Variants in MACF1 observed in about 807,000 individuals in gnomAD.
MACF1 encodes the protein microtubule actin crosslinking factor 1.
Under a neutral mutation model 854.8 loss-of-function variants are expected in MACF1, and 193 were observed. The observed-to-expected ratio is 0.23, with a 90% CI of 0.20 to 0.25. MACF1 has a LOEUF of 0.25. Among genes scored for constraint, MACF1 ranks in the 10% least tolerant of loss-of-function variants. MACF1 has a pLI of 1.00. For missense variants in MACF1, 7,722 were observed against 8,929.1 expected (o/e 0.86, Z 5.45); for synonymous variants, 3,185 against 3,226.7 (o/e 0.99, Z 0.44).
intron 2 of MACF1, among the ~76,000 whole-genome samples, chr1:39,167,947 G>C (rs1643900025): frequency 6.6e-6 from 1 of 152,112 alleles, no homozygotes. Flanking sequence ...TGGAACTGGA[G>C]ATCCACTTTA....
intron 6 of MACF1, among the ~76,000 whole-genome samples, chr1:39,265,670 G>T (rs1181073727): frequency 6.6e-6 from 1 of 152,180 alleles, no homozygotes; most frequent in East Asian, 1.9e-4. Context: ...CGGAATGGTT[G>T]TGTGAGTACT....
chr1:39,129,713 C>T (rs1358338448), intron 2 of MACF1, among the ~76,000 whole-genome samples: 2 of 152,210 alleles, frequency 1.3e-5, no homozygotes, highest in African/African-American at 4.8e-5. Flanking sequence ...CCTCTTGTTT[C>T]TATTCCTGCT....
At chr1:39,295,022 T>C (rs760741187) in intron 18 of MACF1, 24 bp from the exon 19 acceptor site, 7 of 1,555,478 alleles carry the variant, frequency 4.5e-6, no homozygotes, top group Non-Finnish European at 5.3e-6. Flanking sequence ...GTGCTTATGC[T>C]GTAAAATTGA....
chr1:39,453,827 A>G lies in MACF1; in HGVS notation c.20863A>G (p.Ile6955Val). 6.2e-7 allele frequency: 1 copy of G among 1,614,210 alleles called. No individual in the cohort carries two copies. Among genetic ancestry groups the G allele is most frequent in the Non-Finnish European group, 8.5e-7 (1 of 1,180,036 alleles). Residue 6955 changes from isoleucine (I) to valine (V), a missense_variant, in exon 88 of 101, where the codon ATC becomes GTC. Physicochemically the swap from Ile to Val is conservative, Grantham distance 29. Around this residue, in one of 15 missense-constraint regions of MACF1, gnomAD observed 729 missense variants for 900.5 expected, o/e 0.81. Coordinates refer to ENST00000564288, the MANE Select transcript of MACF1 (RefSeq NM_001394062.1). ...CACAACCATCAAACACTGGATCACC[A>G]TCATCCGAGCTCGCTTCGAGGAGGT... ...CITTIKHWIT[I>V]IRARFEEVLT...
intron 2 of MACF1, among the ~76,000 whole-genome samples, chr1:39,136,555 G>T: frequency 6.6e-6 from 1 of 152,138 alleles, no homozygotes; most frequent in Admixed American, 6.5e-5. Flanking sequence ...GTTGCTCATG[G>T]ACATAGAGAC....
intron 2 of MACF1, among the ~76,000 whole-genome samples, chr1:39,104,152 AC>A (rs1343898426): frequency 6.6e-6 from 1 of 151,954 alleles, no homozygotes; most frequent in African/African-American, 2.4e-5. Context: ...ACCCACAACC[AC>A]CTCTCCAGAC....
intron 58 of MACF1, among the ~76,000 whole-genome samples, chr1:39,417,581 C>G (rs1371210547): frequency 1.3e-5 from 2 of 151,516 alleles, no homozygotes; most frequent in Non-Finnish European, 2.9e-5. Flanking sequence ...GAGTCTCACT[C>G]TGTTGCCCAG....
intron 2 of MACF1, among the ~76,000 whole-genome samples, chr1:39,195,078 CTT>C (rs1370365889): frequency 6.6e-6 from 1 of 152,118 alleles, no homozygotes; most frequent in South Asian, 2.1e-4. Flanking sequence ...CTTGGAGACA[CTT>C]TTTTCTTTTA....
At position 39,333,546 on chromosome 1, in the gene MACF1, C is replaced by T; in HGVS notation, c.6958C>T (p.His2320Tyr). The T allele has an allele frequency of 6.2e-7, 1 of 1,614,172 alleles. No individual in the cohort carries two copies. Among genetic ancestry groups the T allele is most frequent in the Non-Finnish European group, 8.5e-7 (1 of 1,180,032 alleles). ...AATATCCCGAGGCATTGTGCCAAGT[C>T]ACACTGCCGTGAAGCTTATGGAGAA... ...EAISRGIVPS[H>Y]TAVKLMEKLN... Residue 2320 changes from histidine to tyrosine, a missense_variant, in exon 37 of 101, where the codon CAC becomes TAC. This residue lies in a region of MACF1 where 1,531 missense variants were observed against 1,601.6 expected (regional missense o/e 0.96). Transcript: ENST00000564288.
Position 39,334,936 on chromosome 1 carries a change from C to T in MACF1, c.8348C>T (p.Ala2783Val), listed in dbSNP as rs766496995. ...AAGCAAGAAGGGATTGAAGTGTGTG[C>T]ATTACAAAATGAATTTCTAGGAAAG... ...IEKQEGIEVC[A>V]LQNEFLGKDM... The change falls in exon 37 of 101, where the codon GCA (alanine) becomes GTA (valine). Residue 2783 changes from alanine (A) to valine (V), a missense_variant. By Grantham distance (64) the Ala-to-Val change is moderately conservative. Around this residue, in one of 15 missense-constraint regions of MACF1, gnomAD observed 1,531 missense variants for 1,601.6 expected, o/e 0.96. Coordinates refer to ENST00000564288, the MANE Select transcript of MACF1 (RefSeq NM_001394062.1). 4 of 1,614,054 alleles carry T rather than the reference C, an allele frequency of 2.5e-6. No individual in the cohort carries two copies. Among genetic ancestry groups the T allele is most frequent in the Non-Finnish European group, 3.4e-6 (4 of 1,180,010 alleles).
chr1:39,285,766 A>G lies in MACF1; in HGVS notation c.1508+8A>G. The G allele has an allele frequency of 6.2e-7, 1 of 1,613,270 alleles. No homozygotes were observed. The highest frequency in any genetic ancestry group is 8.5e-7 in the Non-Finnish European group (1 of 1,179,412). ...AGAAGAGCTGGCTTTTAGGTGAGGAACAAGGGACTCAAATGGAGGGCTTGC... is the reference window on the plus strand; with the variant it reads ...AGAAGAGCTGGCTTTTAGGTGAGGAGCAAGGGACTCAAATGGAGGGCTTGC... On this transcript the variant is annotated splice_region_variant and intron_variant, in intron 14 of 100. Transcript: ENST00000564288.
chr1:39,129,356 T>C (rs1199236048), intron 2 of MACF1, among the ~76,000 whole-genome samples: 1 of 152,156 alleles, frequency 6.6e-6, no homozygotes. Context: ...ATGGCTTTAT[T>C]AAAAACATAA....
intron 2 of MACF1, among the ~76,000 whole-genome samples, chr1:39,133,922 A>G (rs997801135): frequency 1.3e-5 from 2 of 150,130 alleles, no homozygotes; most frequent in Non-Finnish European, 3.0e-5. Context: ...GAGAAGTTTC[A>G]TTTTTGGGTT....
intron 22 of MACF1, among the ~76,000 whole-genome samples, chr1:39,300,678 A>G (rs1001407853): frequency 6.6e-6 from 1 of 152,070 alleles, no homozygotes; most frequent in Non-Finnish European, 1.5e-5. Context: ...CACAGCTAAT[A>G]GGACCATCAA....
intron 9 of MACF1, 22 bp from the exon 10 acceptor site, chr1:39,284,044 G>T: frequency 6.2e-7 from 1 of 1,612,542 alleles, no homozygotes; most frequent in Non-Finnish European, 8.5e-7. Context: ...TCAGGTGTGT[G>T]ATGTTTACCT....
intron 1 of MACF1, among the ~76,000 whole-genome samples, chr1:39,228,345 A>G (rs1287887282): frequency 1.3e-5 from 2 of 152,158 alleles, no homozygotes; most frequent in African/African-American, 4.8e-5. Context: ...AACGAGGTGG[A>G]TTTTAAAGAA....
At position 39,332,059 on chromosome 1, in the gene MACF1, T is replaced by C. The variant is rs371939991; in HGVS notation, c.5471T>C (p.Ile1824Thr). 3.1e-6 allele frequency: 5 copies of C among 1,613,852 alleles called. No individual in the cohort carries two copies. Among genetic ancestry groups the C allele is most frequent in the African/African-American group, 2.7e-5 (2 of 74,856 alleles). The change falls in exon 37 of 101, where the codon ATA (isoleucine) becomes ACA (threonine). Residue 1824 changes from isoleucine to threonine, a missense_variant. Ile to Thr is a moderately conservative substitution (Grantham distance 89, BLOSUM62 -1). This residue lies in a region of MACF1 where 1,531 missense variants were observed against 1,601.6 expected (regional missense o/e 0.96). Transcript: ENST00000564288. ...ACTGTCACGGGGCAAAGGCTAACAA[T>C]AGATGAAGCAGTGAGCAATGATCTA... is the stretch of plus-strand genomic sequence containing the variant. ...IDTVTGQRLT[I>T]DEAVSNDLVA... is the part of the protein sequence containing the mutation.
At chr1:39,102,700 T>C in intron 2 of MACF1, 1 of 696,690 alleles carries the variant, frequency 1.4e-6, no homozygotes, top group Admixed American at 2.0e-5. Context: ...TCTCTTCCAC[T>C]AGATGCCCTT....
chr1:39,444,442 G>T (rs1557658419), intron 79 of MACF1, among the ~76,000 whole-genome samples: 2 of 152,070 alleles, frequency 1.3e-5, no homozygotes, highest in South Asian at 4.1e-4. Flanking sequence ...TAATACAAAT[G>T]AATTCTAAGT....
Sources: allele counts gnomAD v4.1 joint callset (sites outside exome capture counted in the v4.1 genomes callset), GRCh38; gene constraint gnomAD v4.1.1; regional missense constraint gnomAD v4.1.1; transcripts MANE v1.5; gene names NCBI Gene and HGNC (gene_info 2026-07-23, HGNC 2026-07-21).